Variants in NEK10 observed in about 807,000 individuals in gnomAD.
NEK10 encodes serine/threonine-protein kinase Nek10.
NEK10 carries 122 observed loss-of-function variants against 159.8 expected under a neutral mutation model. That is an observed-to-expected ratio of 0.76 (90% CI 0.66 to 0.89). The LOEUF (loss-of-function observed/expected upper bound fraction) is 0.89, where lower values mean the gene tolerates loss of function less well. NEK10 is among the 40% of genes least tolerant of loss of function. The probability of loss-of-function intolerance (pLI) is 0.00; values close to 1 mark genes in which losing one functional copy is unlikely to be tolerated. For missense variants in NEK10, 1,342 were observed against 1,323.1 expected (o/e 1.01, Z -0.22); for synonymous variants, 466 against 457.1 (o/e 1.02, Z -0.25).
chr3:27,366,087 CCAAA>C (rs2049061778), intron 1 of NEK10, among the ~76,000 whole-genome samples: 2 of 152,098 alleles, frequency 1.3e-5, no homozygotes, highest in Non-Finnish European at 2.9e-5. Flanking sequence ...GTATTGTGTT[CCAAA>C]TAGAACACAA....
In NEK10 at chr3:27,192,096, T is replaced by C. The variant is rs1210057980; in HGVS notation, c.2438A>G (p.Gln813Arg). ...CCGGTTGGCTTCCATAAAATACCTT[T>C]GTGTGCGTCTTCGTTCCCGTTCTAG... ...KKLERERRRTQRYFMEANRNT... is the reference protein window; with the variant it reads ...KKLERERRRTRRYFMEANRNT... The change falls in exon 26 of 36, where the codon CAA becomes CGA. Residue 813 changes from glutamine to arginine, a missense_variant. By Grantham distance (43) the Gln-to-Arg change is conservative. Transcript: ENST00000691995. The C allele has an allele frequency of 6.2e-7, 1 of 1,614,098 alleles. No individual in the cohort carries two copies. Among genetic ancestry groups the C allele is most frequent in the Non-Finnish European group, 8.5e-7 (1 of 1,180,044 alleles).
chr3:27,181,315 T>C (rs1204810114), intron 26 of NEK10, among the ~76,000 whole-genome samples: 1 of 152,138 alleles, frequency 6.6e-6, no homozygotes, highest in Non-Finnish European at 1.5e-5. Context: ...TGTGATTTTC[T>C]TAATAACATT....
At chr3:27,260,398 A>G (rs2040297015) in intron 22 of NEK10, among the ~76,000 whole-genome samples, 1 of 152,196 alleles carries the variant, frequency 6.6e-6, no homozygotes, top group South Asian at 2.1e-4. Context: ...GGTCCCATCA[A>G]TACCTAATTT....
intron 6 of NEK10, among the ~76,000 whole-genome samples, chr3:27,317,298 A>G (rs542265561): frequency 9.8e-5 from 15 of 152,312 alleles, no homozygotes; most frequent in Admixed American, 2.6e-4. Flanking sequence ...CATGGGCTTA[A>G]CACTTCTAGT....
At chr3:27,365,454 C>G (rs1359585617) in intron 1 of NEK10, among the ~76,000 whole-genome samples, 1 of 152,046 alleles carries the variant, frequency 6.6e-6, no homozygotes, top group Non-Finnish European at 1.5e-5. Flanking sequence ...GGACTTAAGT[C>G]CATGACTTTC....
At chr3:27,171,757 C>T in intron 29 of NEK10, 62 bp downstream of exon 29, 1 of 1,563,442 alleles carries the variant, frequency 6.4e-7, no homozygotes, top group Non-Finnish European at 8.7e-7. Flanking sequence ...TTCAATTCAG[C>T]TGAGTTATTA....
chr3:27,206,296 C>G (rs1164485166), intron 23 of NEK10, among the ~76,000 whole-genome samples: 2 of 152,174 alleles, frequency 1.3e-5, no homozygotes, highest in Non-Finnish European at 2.9e-5. Context: ...GGAATCTGTT[C>G]TCATGGGGCT....
chr3:27,241,122 A>G (rs1954515920), intron 23 of NEK10, among the ~76,000 whole-genome samples: 1 of 152,188 alleles, frequency 6.6e-6, no homozygotes, highest in African/African-American at 2.4e-5. Context: ...AGGAAAATCT[A>G]AAAACAGACT....
intron 23 of NEK10, among the ~76,000 whole-genome samples, chr3:27,243,935 A>C (rs1954813865): frequency 6.6e-6 from 1 of 152,032 alleles, no homozygotes; most frequent in Admixed American, 6.6e-5. Context: ...TGCTCCTGTG[A>C]AGTAAATATT....
At chr3:27,255,904 T>C (rs1053467182) in intron 23 of NEK10, among the ~76,000 whole-genome samples, 3 of 152,126 alleles carry the variant, frequency 2.0e-5, no homozygotes, top group Admixed American at 2.0e-4. Context: ...TGTTTATAGG[T>C]AGAAAAGAGA....
At chr3:27,274,442 A>G (rs1417338311) in intron 22 of NEK10, among the ~76,000 whole-genome samples, 2 of 152,156 alleles carry the variant, frequency 1.3e-5, no homozygotes, top group African/African-American at 4.8e-5. Flanking sequence ...TAGACACTGT[A>G]TCTGGGGTTA....
At chr3:27,249,649 T>C (rs193063329) in intron 23 of NEK10, among the ~76,000 whole-genome samples, 5 of 152,296 alleles carry the variant, frequency 3.3e-5, no homozygotes, top group Admixed American at 3.3e-4. Context: ...CAACAGATCA[T>C]TGCGTCTTAG....
intron 9 of NEK10, 145 bp downstream of exon 9, chr3:27,310,804 T>C (rs2044631327): frequency 3.9e-6 from 2 of 511,332 alleles, no homozygotes; most frequent in East Asian, 6.2e-5. Context: ...TATAAAAGGG[T>C]TGACAAAGAT....
chr3:27,270,601 T>C (rs564610607), intron 22 of NEK10, among the ~76,000 whole-genome samples: 1 of 152,294 alleles, frequency 6.6e-6, no homozygotes, highest in South Asian at 2.1e-4. Context: ...CATGCTACTG[T>C]GACGTCTCAC....
At chr3:27,299,035 C>CAA (rs2043591986) in intron 13 of NEK10, among the ~76,000 whole-genome samples, 2 of 152,142 alleles carry the variant, frequency 1.3e-5, no homozygotes, top group African/African-American at 4.8e-5. Flanking sequence ...AAATTCAAGC[C>CAA]TGCTGCAGAA....
At chr3:27,138,700 G>A (rs945442392) in intron 31 of NEK10, among the ~76,000 whole-genome samples, 2 of 152,186 alleles carry the variant, frequency 1.3e-5, no homozygotes, top group Non-Finnish European at 2.9e-5. Flanking sequence ...TTGGGAACTG[G>A]TTTGACTGTG....
intron 14 of NEK10, among the ~76,000 whole-genome samples, chr3:27,296,665 AATTTAT>A (rs1170343294): frequency 6.6e-6 from 1 of 152,168 alleles, no homozygotes; most frequent in Non-Finnish European, 1.5e-5. Flanking sequence ...TAGATCTATT[AATTTAT>A]ATTTATGTGT....
At chr3:27,130,479 C>A (rs1879764) in intron 32 of NEK10, among the ~76,000 whole-genome samples, 150,489 of 152,280 alleles carry the variant, frequency 0.99, 74,360 homozygotes, top group East Asian at 1. Flanking sequence ...AGAGTTGCAA[C>A]ACCAAAAACA....
chr3:27,114,427 A>G (rs948717419), intron 35 of NEK10, among the ~76,000 whole-genome samples: 1 of 152,192 alleles, frequency 6.6e-6, no homozygotes, highest in Non-Finnish European at 1.5e-5. Flanking sequence ...CTCTGCAGTT[A>G]CAAATCACAA....
Sources: allele counts gnomAD v4.1 joint callset (sites outside exome capture counted in the v4.1 genomes callset), GRCh38; gene constraint gnomAD v4.1.1; transcripts MANE v1.5; gene names NCBI Gene and HGNC (gene_info 2026-07-23, HGNC 2026-07-21).